The following TTN variants were observed in gnomAD, a reference collection of about 807,000 sequenced individuals.
The protein encoded by TTN is connectin.
A neutral mutation model predicts 3,223.0 loss-of-function variants in TTN; 1,525 were observed. That is an observed-to-expected ratio of 0.47 (90% CI 0.45 to 0.49). The LOEUF (loss-of-function observed/expected upper bound fraction) is 0.49. Among genes scored for constraint, TTN ranks in the 20% least tolerant of loss-of-function variants. TTN has a pLI of 0.00. For synonymous variants in TTN, 14,094 were observed against 15,161.0 expected, an observed-to-expected ratio of 0.93 and a Z score of 5.17; for missense variants, 40,786 against 43,424.0, an observed-to-expected ratio of 0.94 and a Z score of 5.40.
At position 178,739,347 on chromosome 2, in the gene TTN, A is replaced by G. The variant is rs994541516; in HGVS notation, c.13886T>C (p.Ile4629Thr). Residue 4629 changes from isoleucine to threonine, a missense_variant, in exon 48 of 363, where the codon ATA (isoleucine) becomes ACA (threonine). Coordinates refer to ENST00000589042, the MANE Select transcript of TTN (RefSeq NM_001267550.2). ...CCAATTCACCTCTTTAGCATTTGTT[A>G]TGGATGTTGTGAGGTGTACAATATC... ...EGDIVHLTTS[I>T]TNAKEVNWYF... is the part of the protein sequence containing the mutation. 2 of 1,613,824 alleles carry G rather than the reference A, an allele frequency of 1.2e-6. No individual in the cohort carries two copies. Among genetic ancestry groups the G allele is most frequent in the African/African-American group, 1.3e-5 (1 of 75,038 alleles).
chr2:178,757,776 CTGTCTCCCCGT>C lies in TTN; in HGVS notation c.10433_10443del (p.Asn3478SerfsTer20), dbSNP rs2154336089. 6.2e-7 allele frequency: 1 copy of C among 1,613,788 alleles called. No individual in the cohort carries two copies. The highest frequency in any genetic ancestry group is 8.5e-7 in the Non-Finnish European group (1 of 1,179,722). On this transcript the variant is annotated frameshift_variant, in exon 45 of 363. Coordinates refer to ENST00000589042, the MANE Select transcript of TTN (RefSeq NM_001267550.2). LOFTEE classifies it high-confidence loss of function. ...CCAGAAACCCTCGCATGAAATCTGA[CTGTCTCCCCGT>C]TGTGCACCCTGAGGCTTGACAGAGG...
chr2:178,747,292 A>G, intron 47 of TTN: 1 of 1,613,276 alleles, frequency 6.2e-7, no homozygotes, highest in Non-Finnish European at 8.5e-7. Flanking sequence ...AATATCTTTC[A>G]GCAACTTCCC....
rs2052666305 is a variant in TTN at position 178,599,374 on chromosome 2, A to G, written c.56419T>C (p.Phe18807Leu). The change falls in exon 290 of 363, where the codon TTT (phenylalanine) becomes CTT (leucine). Residue 18807 changes from phenylalanine (F) to leucine (L), a missense_variant. Transcript: ENST00000589042. ...GACCCACCATCATCTTTAGGTGGAA[A>G]CCAAGATAGTGTCATTTGATCTGCT... ...VSADQMTLSW[F>L]PPKDDGGSKI... The G allele has an allele frequency of 1.3e-6, 2 of 1,597,584 alleles. No homozygotes were observed. The highest frequency in any genetic ancestry group is 1.7e-6 in the Non-Finnish European group (2 of 1,174,230).
At position 178,752,043 on chromosome 2, in the gene TTN, GAAA is replaced by G. The variant is rs58651353; in HGVS notation, c.11311+1078_11311+1080del. The G allele has an allele frequency of 8.0e-4, 1,124 of 1,396,478 alleles. No individual in the cohort carries two copies. Among genetic ancestry groups the G allele is most frequent in the South Asian group, 1.8e-3 (136 of 76,746 alleles). The allele number at this position is 1,396,478 out of a possible 1,614,324, so 86.5% of individuals were successfully genotyped here. On this transcript the variant is annotated intron_variant, in intron 47 of 362. Transcript: ENST00000589042. ...GATTCCCCCTCAGAGAATAATTCTG[GAAA>G]AAAAAAAAAAAACCTTTACTATTTT...
chr2:178,605,540 T>C lies in TTN; in HGVS notation c.53755A>G (p.Thr17919Ala), dbSNP rs199605903. The change falls in exon 279 of 363, where the codon ACC becomes GCC. Residue 17919 changes from threonine (T) to alanine (A), a missense_variant. Physicochemically the swap from Thr to Ala is moderately conservative, Grantham distance 58. Coordinates refer to ENST00000589042, the MANE Select transcript of TTN (RefSeq NM_001267550.2). ...AGATTTTCAACCAGAAAAGATGTGG[T>C]TGGGCAGAGTCGCTTGTTAACTCTT... The part of the protein sequence containing the change: ...FERVNKRLCP[T>A]TSFLVENLDE... 1.7e-5 allele frequency: 28 copies of C among 1,612,302 alleles called. No individual in the cohort carries two copies. The highest frequency in any genetic ancestry group is 2.0e-5 in the Non-Finnish European group (24 of 1,178,906).
Position 178,563,865 on chromosome 2 carries a change from C to A in TTN, c.82267G>T (p.Glu27423Ter). The stretch of plus-strand genomic sequence containing the variant: ...ACTTTGTAGTTAAGGGCCTGTACCT[C>A]AGTTGAAACCTGGGTCCAAGAGAGT... ...SRLSWTQVST[E>*]VQALNYKVTK... The change falls in exon 326 of 363, where the codon GAG (glutamate) becomes TAG (stop). Residue 27423 changes from glutamate (E) to a stop codon, truncating the protein, a stop_gained. Transcript: ENST00000589042. LOFTEE classifies it high-confidence loss of function. The surrounding 1 kb of genome is among the most constrained non-coding windows in gnomAD (Gnocchi z 4.5). 1 of 1,613,758 alleles carries A rather than the reference C, an allele frequency of 6.2e-7. No individual in the cohort carries two copies. Among genetic ancestry groups the A allele is most frequent in the South Asian group, 1.1e-5 (1 of 91,082 alleles).
chr2:178,667,898 G>A (rs904763585), intron 159 of TTN, among the ~76,000 whole-genome samples, 177 bp from the exon 160 acceptor site: 1 of 152,138 alleles, frequency 6.6e-6, no homozygotes, highest in East Asian at 1.9e-4. Flanking sequence ...GTTTCATGAT[G>A]TAAGACTCTA....
rs879144126 is a variant in TTN, at chr2:178,732,691, C to A, written c.16370G>T (p.Gly5457Val). The change falls in exon 56 of 363, where the codon GGC (glycine) becomes GTC (valine). Residue 5457 changes from glycine (G) to valine (V), a missense_variant. Physicochemically the swap from Gly to Val is moderately radical, Grantham distance 109 (BLOSUM62 -3). Transcript: ENST00000589042. ...QEPPSFVTKP[G>V]SKDVLPGSAV... ...TGAGCCAGGCAGAACATCCTTTGAG[C>A]CGGGTTTAGTTACAAAACTGGGTGG... 1.1e-5 allele frequency: 18 copies of A among 1,598,936 alleles called. No homozygotes were observed. The highest frequency in any genetic ancestry group is 1.5e-5 in the Non-Finnish European group (18 of 1,172,592).
In TTN at chr2:178,636,643, G is replaced by C; in HGVS notation, c.41084C>G (p.Thr13695Arg). 1 of 1,613,348 alleles carries C rather than the reference G, an allele frequency of 6.2e-7. No individual in the cohort carries two copies. The highest frequency in any genetic ancestry group is 8.5e-7 in the Non-Finnish European group (1 of 1,179,568). ...FVKEIKDIIL[T>R]ESEFVGSSAI... The stretch of plus-strand genomic sequence containing the variant: ...TGAAGAGCCAACGAACTCTGATTCT[G>C]TCAAGATGATGTCTTTGATTTCTTT... The change falls in exon 225 of 363, where the codon ACA becomes AGA. Residue 13695 changes from threonine to arginine, a missense_variant. Coordinates refer to ENST00000589042, the MANE Select transcript of TTN (RefSeq NM_001267550.2). The surrounding 1 kb of genome is among the most constrained non-coding windows in gnomAD (Gnocchi z 4.3).
At position 178,593,566 on chromosome 2, in the gene TTN, A is replaced by G. The variant is rs869312054; in HGVS notation, c.58732+2T>C. The G allele has an allele frequency of 5.0e-6, 8 of 1,610,672 alleles. No homozygotes were observed. Among genetic ancestry groups the G allele is most frequent in the Non-Finnish European group, 5.9e-6 (7 of 1,178,958 alleles). ...ATCACTAAAAAGAAACATAATGCAT[A>G]CTGAAACGATCTTTGGCTTTCATTG... On this transcript the variant is annotated splice_donor_variant, in intron 298 of 362. Coordinates refer to ENST00000589042, the MANE Select transcript of TTN (RefSeq NM_001267550.2). LOFTEE classifies it high-confidence loss of function.
At position 178,629,402 on chromosome 2, in the gene TTN, C is replaced by G. The variant is rs540115992; in HGVS notation, c.44323G>C (p.Val14775Leu). 11 of 1,612,850 alleles carry G rather than the reference C, an allele frequency of 6.8e-6. No individual in the cohort carries two copies. The Admixed American group carries it at 1.8e-4, about 27-fold the overall frequency. Residue 14775 changes from valine to leucine, a missense_variant, in exon 240 of 363, where the codon GTG becomes CTG. Transcript: ENST00000589042. The stretch of plus-strand genomic sequence containing the variant: ...AAGGTGGCTGTTTCCCCTGCAGTCA[C>G]GGTGACATCCTTTAAAGGCCTCAGA... ...GLLRPLKDVT[V>L]TAGETATFDC...
At chr2:178,543,035 A>ACTTTTTTTTTTTTTTTT in intron 347 of TTN, 34 bp downstream of exon 347, 1 of 1,428,162 alleles carries the variant, frequency 7.0e-7, no homozygotes, top group Non-Finnish European at 9.3e-7. Context: ...ATTTTACTTT[A>ACTTTTTTTTTTTTTTTT]CTTTTTTTTT....
In TTN at chr2:178,740,123, C is replaced by T; in HGVS notation, c.13110G>A (p.Gln4370=). 6.2e-7 allele frequency: 1 copy of T among 1,613,832 alleles called. No homozygotes were observed. Among genetic ancestry groups the T allele is most frequent in the Non-Finnish European group, 8.5e-7 (1 of 1,179,834 alleles). The part of the protein sequence containing the change: ...KREPVAIKKV[Q]EVQGRDLLSK... The stretch of plus-strand genomic sequence containing the variant: ...AAAGAAGGTCCCTTCCCTGTACCTC[C>T]TGCACTTTCTTTATTGCCACGGGCT... Residue 4370 remains glutamine, a synonymous_variant, in exon 48 of 363, where the codon CAG becomes CAA. Transcript: ENST00000589042.
In TTN at chr2:178,543,229, T is replaced by A; in HGVS notation, c.96744A>T (p.Arg32248Ser). Residue 32248 changes from arginine (R) to serine (S), a missense_variant, in exon 347 of 363, where the codon AGA (arginine) becomes AGT (serine). Arg to Ser is a moderately radical substitution (Grantham distance 110). Transcript: ENST00000589042. ...GTTTTAAGGTGACAACCTTCATCCA[T>A]CTCTCTGTGCCAGCTTTGCAGGCCT... is the stretch of plus-strand genomic sequence containing the variant. ...VLEACKAGTE[R>S]WMKVVTLKPT... The A allele has an allele frequency of 6.2e-7, 1 of 1,613,780 alleles. No homozygotes were observed. Among genetic ancestry groups the A allele is most frequent in the Non-Finnish European group, 8.5e-7 (1 of 1,179,772 alleles).
In TTN at chr2:178,779,246, C is replaced by T; in HGVS notation, c.3946G>A (p.Gly1316Arg). 8 of 1,613,624 alleles carry T rather than the reference C, an allele frequency of 5.0e-6. No homozygotes were observed. Among genetic ancestry groups the T allele is most frequent in the Non-Finnish European group, 6.8e-6 (8 of 1,179,834 alleles). ...MGVTFHCKMS[G>R]YPLPKIAWYK... The stretch of plus-strand genomic sequence containing the variant: ...TATTTTACCTTTGGTAATGGATATC[C>T]AGACATCTTGCAATGAAAAGTGACA... The change falls in exon 23 of 363, where the codon GGA becomes AGA. Residue 1316 changes from glycine to arginine, a missense_variant. Coordinates refer to ENST00000589042, the MANE Select transcript of TTN (RefSeq NM_001267550.2).
chr2:178,613,176 T>C lies in TTN; in HGVS notation c.49633A>G (p.Ile16545Val). 6.2e-7 allele frequency: 1 copy of C among 1,610,380 alleles called. No homozygotes were observed. Among genetic ancestry groups the C allele is most frequent in the Non-Finnish European group, 8.5e-7 (1 of 1,178,642 alleles). Residue 16545 changes from isoleucine (I) to valine (V), a missense_variant, in exon 264 of 363, where the codon ATA (isoleucine) becomes GTA (valine). Transcript: ENST00000589042. Reference protein sequence around the residue: ...KPSKSTEPILIKDPIDPPWPP... With the variant: ...KPSKSTEPILVKDPIDPPWPP... ...TAAATAATACCTATGGGATCCTTTA[T>C]TAAGATTGGTTCAGTTGATTTGCTT...
Position 178,529,155 on chromosome 2 carries a change from CT to C in TTN, c.106595del (p.Lys35532ArgfsTer14). On this transcript the variant is annotated frameshift_variant, in exon 360 of 363. Coordinates refer to ENST00000589042, the MANE Select transcript of TTN (RefSeq NM_001267550.2). LOFTEE classifies it high-confidence loss of function. ...TQKTSEITPQ[K>X]KAVVQEEISQ... ...AAATTTCCTCTTGGACAACAGCTTT[CT>C]TCTGAGGTGTAATTTCAGAAGTCTT... 6.4e-7 allele frequency: 1 copy of C among 1,564,240 alleles called. No homozygotes were observed. Among genetic ancestry groups the C allele is most frequent in the Non-Finnish European group, 8.6e-7 (1 of 1,160,196 alleles).
In TTN at chr2:178,619,974, C is replaced by T; in HGVS notation, c.46429+14G>A. On this transcript the variant is annotated intron_variant, in intron 249 of 362. Coordinates refer to ENST00000589042, the MANE Select transcript of TTN (RefSeq NM_001267550.2). The stretch of plus-strand genomic sequence containing the variant: ...ATTGGTAACATTAGAATTGTTTTTT[C>T]ACTTAATATGTACCTTCCACAAAAA... The T allele has an allele frequency of 1.2e-6, 2 of 1,600,260 alleles. No homozygotes were observed. The highest frequency in any genetic ancestry group is 1.7e-6 in the Non-Finnish European group (2 of 1,175,578).
chr2:178,617,949 G>A lies in TTN; in HGVS notation c.47402C>T (p.Thr15801Ile), dbSNP rs148808516. 1.3e-5 allele frequency: 21 copies of A among 1,612,666 alleles called. No individual in the cohort carries two copies. The highest frequency in any genetic ancestry group is 9.3e-5 in the African/African-American group (7 of 74,924). The change falls in exon 253 of 363, where the codon ACT (threonine) becomes ATT (isoleucine). Residue 15801 changes from threonine (T) to isoleucine (I), a missense_variant. By Grantham distance (89) the Thr-to-Ile change is moderately conservative. Coordinates refer to ENST00000589042, the MANE Select transcript of TTN (RefSeq NM_001267550.2). ...TNYVIELRDK[T>I]SIRWDTAMTV... is the part of the protein sequence containing the mutation. ...CATGGCAGTATCCCACCTGATAGAA[G>A]TCTTGTCTCTTAATTCAATGACGTA... is the stretch of plus-strand genomic sequence containing the variant.
Sources: allele counts gnomAD v4.1 joint callset (sites outside exome capture counted in the v4.1 genomes callset), GRCh38; gene constraint gnomAD v4.1.1; non-coding constraint Gnocchi (gnomAD v3.1); transcripts MANE v1.5; gene names NCBI Gene and HGNC (gene_info 2026-07-23, HGNC 2026-07-21).